ZFTRAF1: variants seen among roughly 807,000 people sequenced by gnomAD.
ZFTRAF1 encodes the protein zinc finger TRAF-type and ring finger containing 1.
chr8:144,462,368 G>A, the ZFTRAF1 span: 1,124 of 403,548 alleles, frequency 2.8e-3, 6 homozygotes, highest in Admixed American at 0.014. Context: ...CCCGCTGCCG[G>A]CCGCCGCCGC....
the ZFTRAF1 span, among the ~76,000 whole-genome samples, chr8:144,461,465 C>T: frequency 6.6e-6 from 1 of 152,184 alleles, no homozygotes; most frequent in Non-Finnish European, 1.5e-5. Context: ...GGTACCCTAA[C>T]AGCCCTAGGC....
chr8:144,450,037 G>A, the ZFTRAF1 span: 17 of 331,144 alleles, frequency 5.1e-5, no homozygotes, highest in Non-Finnish European at 9.2e-5. Context: ...GAGCAGCACC[G>A]CCGCCTGACT....
the ZFTRAF1 span, chr8:144,453,966 G>A: frequency 6.4e-6 from 1 of 157,448 alleles, no homozygotes; most frequent in African/African-American, 2.4e-5. Context: ...GTGAGCCCAG[G>A]TGAGAGGAGG....
chr8:144,459,209 G>A, the ZFTRAF1 span, among the ~76,000 whole-genome samples: 12 of 152,354 alleles, frequency 7.9e-5, no homozygotes, highest in East Asian at 1.9e-3. Context: ...AGGCCACACT[G>A]CCCTCGGGCC....
At chr8:144,450,940 G>A in the ZFTRAF1 span, among the ~76,000 whole-genome samples, 1 of 152,158 alleles carries the variant, frequency 6.6e-6, no homozygotes, top group East Asian at 1.9e-4. Context: ...ATGGCAAATG[G>A]AGGTGCACAC....
At chr8:144,459,396 A>G in the ZFTRAF1 span, among the ~76,000 whole-genome samples, 1 of 152,254 alleles carries the variant, frequency 6.6e-6, no homozygotes, top group Non-Finnish European at 1.5e-5. Flanking sequence ...ACACCCACAC[A>G]GAGAACATAA....
chr8:144,452,980 C>T, the ZFTRAF1 span, among the ~76,000 whole-genome samples: 8,185 of 152,334 alleles, frequency 0.054, 328 homozygotes, highest in Non-Finnish European at 0.084. Context: ...GGCTCCCCCA[C>T]AGCCACAAAG....
At chr8:144,458,639 A>C in the ZFTRAF1 span, among the ~76,000 whole-genome samples, 1 of 152,178 alleles carries the variant, frequency 6.6e-6, no homozygotes, top group Non-Finnish European at 1.5e-5. Flanking sequence ...TGTGGCATAG[A>C]GACATGGGCG....
At chr8:144,451,790 C>T in the ZFTRAF1 span, 21 of 179,956 alleles carry the variant, frequency 1.2e-4, no homozygotes, top group African/African-American at 3.8e-4. Context: ...TGCCTGCGCA[C>T]GCATCCAGCC....
the ZFTRAF1 span, chr8:144,450,345 C>T: frequency 1.4e-6 from 1 of 702,370 alleles, no homozygotes; most frequent in African/African-American, 1.8e-5. Flanking sequence ...TGGGATGCCG[C>T]CCGTGGGCTC....
At chr8:144,462,023 C>T in the ZFTRAF1 span, among the ~76,000 whole-genome samples, 1 of 152,148 alleles carries the variant, frequency 6.6e-6, no homozygotes, top group African/African-American at 2.4e-5. Flanking sequence ...ACAAGCGATT[C>T]AGATCGGGAA....
chr8:144,457,761 A>G, the ZFTRAF1 span: 2 of 152,228 alleles, frequency 1.3e-5, no homozygotes. Context: ...CAAGGTCTCT[A>G]TGGTCAGCTG....
chr8:144,461,315 T>C, the ZFTRAF1 span, among the ~76,000 whole-genome samples: 1 of 152,210 alleles, frequency 6.6e-6, no homozygotes, highest in African/African-American at 2.4e-5. Context: ...GAGAACCTGC[T>C]TCATTTCTCA....
the ZFTRAF1 span, chr8:144,453,171 C>A: frequency 2.7e-6 from 4 of 1,502,374 alleles, no homozygotes; most frequent in African/African-American, 4.2e-5. Flanking sequence ...GGGTGGGCTC[C>A]CAGCAGTCCT....
At chr8:144,461,313 G>C in the ZFTRAF1 span, among the ~76,000 whole-genome samples, 9 of 152,328 alleles carry the variant, frequency 5.9e-5, no homozygotes, top group East Asian at 1.7e-3. Context: ...CAGAGAACCT[G>C]CTTCATTTCT....
At chr8:144,461,947 G>A in the ZFTRAF1 span, among the ~76,000 whole-genome samples, 1 of 152,164 alleles carries the variant, frequency 6.6e-6, no homozygotes, top group Admixed American at 6.5e-5. Flanking sequence ...TTGAGGCTGT[G>A]GGTTGGGAGA....
At chr8:144,460,841 G>A in the ZFTRAF1 span, among the ~76,000 whole-genome samples, 11 of 152,184 alleles carry the variant, frequency 7.2e-5, no homozygotes, top group Admixed American at 3.9e-4. Flanking sequence ...CAGAGATCGT[G>A]GCACTTCACT....
the ZFTRAF1 span, chr8:144,453,166 G>C: frequency 7.5e-6 from 11 of 1,473,684 alleles, no homozygotes; most frequent in Non-Finnish European, 9.2e-6. Flanking sequence ...CACCAGGGTG[G>C]GCTCCCAGCA....
the ZFTRAF1 span, chr8:144,450,867 G>A: frequency 2.0e-5 from 12 of 606,662 alleles, no homozygotes; most frequent in African/African-American, 7.4e-5. Context: ...AGGCTCAGCC[G>A]GGGAGGAAGG....
Sources: allele counts gnomAD v4.1 joint callset (sites outside exome capture counted in the v4.1 genomes callset), GRCh38; gene constraint gnomAD v4.1.1; transcripts MANE v1.5; gene names NCBI Gene and HGNC (gene_info 2026-07-23, HGNC 2026-07-21).